Variants in SPINK8 observed in about 807,000 individuals in gnomAD.
The protein encoded by SPINK8 is serine peptidase inhibitor Kazal type 8 (putative).
Under a neutral mutation model 14.4 loss-of-function variants are expected in SPINK8, and 12 were observed. That is an observed-to-expected ratio of 0.83 (90% CI 0.53 to 1.35). SPINK8 has a LOEUF of 1.35. Ranked by LOEUF, SPINK8 falls within the 40% of genes most tolerant of loss-of-function variation. The probability of loss-of-function intolerance (pLI) is 0.00; values close to 1 mark genes in which losing one functional copy is unlikely to be tolerated. For missense variants in SPINK8, 103 were observed against 117.0 expected (o/e 0.88, Z 0.55); for synonymous variants, 32 against 37.6 (o/e 0.85, Z 0.55).
At chr3:48,327,433 G>A (rs1260950779) in intron 4 of SPINK8, among the ~76,000 whole-genome samples, 2 of 152,192 alleles carry the variant, frequency 1.3e-5, no homozygotes, top group Non-Finnish European at 2.9e-5. Context: ...CAAGGAAAGG[G>A]TGATTTGCAA....
Position 48,307,007 on chromosome 3 carries a change from CAAGAG to C in SPINK8, c.283-9_283-5del. The C allele has an allele frequency of 6.2e-7, 1 of 1,612,798 alleles. No homozygotes were observed. The highest frequency in any genetic ancestry group is 1.1e-5 in the South Asian group (1 of 90,762). On this transcript the variant is annotated splice_polypyrimidine_tract_variant and splice_region_variant and intron_variant, in intron 7 of 7. Coordinates refer to ENST00000434006, the MANE Select transcript of SPINK8 (RefSeq NM_001080525.3). ...TGTCGTACGTTCAAGAGTTTTCCTG[CAAGAG>C]AAGTATCTGCTTAGAGAAATCAAAT...
rs532399891 is a variant in SPINK8 at position 48,311,035 on chromosome 3, C to T, written c.240-1089G>A. On this transcript the variant is annotated intron_variant, in intron 6 of 7. Transcript: ENST00000434006. ...ACAACCACATATTAAAAGGATTATACACCATGACAAAATGGCCTTTATCCC... is the reference window on the plus strand; with the variant it reads ...ACAACCACATATTAAAAGGATTATATACCATGACAAAATGGCCTTTATCCC... 4.6e-5 allele frequency among the ~76,000 whole-genome samples: 7 copies of T among 151,898 alleles called. No homozygotes were observed. In the East Asian group the frequency reaches 1.2e-3, roughly 25 times the overall value.
intron 4 of SPINK8, among the ~76,000 whole-genome samples, chr3:48,323,176 G>A (rs745855276): frequency 9.9e-5 from 15 of 152,014 alleles, no homozygotes; most frequent in Middle Eastern, 3.4e-3. Context: ...ACAGAGTTTC[G>A]CTCTGTCACA....
intron 4 of SPINK8, 78 bp from the exon 5 acceptor site, chr3:48,321,152 C>A: frequency 7.0e-7 from 1 of 1,421,678 alleles, no homozygotes; most frequent in African/African-American, 1.4e-5. Context: ...TGAGGGGAAC[C>A]CTAGTTGGCA....
At chr3:48,308,782 T>A (rs1575339507) in intron 7 of SPINK8, among the ~76,000 whole-genome samples, 1 of 152,222 alleles carries the variant, frequency 6.6e-6, no homozygotes, top group African/African-American at 2.4e-5. Flanking sequence ...ATTCTATAGA[T>A]ATCCTTAAAT....
intron 6 of SPINK8, among the ~76,000 whole-genome samples, chr3:48,313,550 T>C (rs1431560828): frequency 6.6e-6 from 1 of 152,156 alleles, no homozygotes; most frequent in Non-Finnish European, 1.5e-5. Context: ...TATAGAAAAG[T>C]TTGATGGTTC....
At chr3:48,321,144 A>G in intron 4 of SPINK8, 70 bp from the exon 5 acceptor site, 1 of 1,481,654 alleles carries the variant, frequency 6.7e-7, no homozygotes, top group East Asian at 2.5e-5. Flanking sequence ...AGGTAAGATG[A>G]GGGGAACCCT....
At chr3:48,333,110 T>C (rs1478131953) in intron 1 of SPINK8, among the ~76,000 whole-genome samples, 2 of 152,132 alleles carry the variant, frequency 1.3e-5, no homozygotes, top group Non-Finnish European at 2.9e-5. Context: ...AATCACACTT[T>C]TAACATAATT....
In SPINK8 at chr3:48,319,555, T is replaced by C. The variant is rs1242371747; in HGVS notation, c.181A>G (p.Ile61Val). 1.2e-6 allele frequency: 2 copies of C among 1,613,946 alleles called. No individual in the cohort carries two copies. Among genetic ancestry groups the C allele is most frequent in the Admixed American group, 3.3e-5 (2 of 60,020 alleles). The change falls in exon 6 of 8, where the codon ATT becomes GTT. Residue 61 changes from isoleucine (I) to valine (V), a missense_variant. Coordinates refer to ENST00000434006, the MANE Select transcript of SPINK8 (RefSeq NM_001080525.3). ...FLSYIKPSEP[I>V]CGSDQVTYSS... is the part of the protein sequence containing the mutation. ...TAGGTAACCTGGTCACTGCCACAAA[T>C]AGGTTCACTGGGCTTGATGTAGGAT...
chr3:48,310,495 AATTT>A (rs755916422), intron 6 of SPINK8, among the ~76,000 whole-genome samples: 42 of 147,374 alleles, frequency 2.8e-4, no homozygotes, highest in South Asian at 4.3e-4. Flanking sequence ...CCAAAAAAAA[AATTT>A]TTTTTTTTTT....
At chr3:48,326,103 G>A (rs1175518138) in intron 4 of SPINK8, among the ~76,000 whole-genome samples, 2 of 151,894 alleles carry the variant, frequency 1.3e-5, no homozygotes, top group African/African-American at 4.8e-5. Flanking sequence ...ACAAAGGTAT[G>A]GGGGGAATGA....
intron 5 of SPINK8, 98 bp from the exon 6 acceptor site, chr3:48,319,716 A>G (rs2036045092): frequency 2.0e-6 from 3 of 1,510,256 alleles, no homozygotes; most frequent in African/African-American, 2.8e-5. Context: ...TACGAGCACC[A>G]GATCAGGAGT....
In SPINK8 at chr3:48,306,883, G is replaced by A; in HGVS notation, c.*109C>T. Reference sequence around the variant, plus strand: ...ATTTATTGAAGACATAAATCAACGAGTTTGATCCAACCATTAGTAATTAAA... The same window carrying A: ...ATTTATTGAAGACATAAATCAACGAATTTGATCCAACCATTAGTAATTAAA... On this transcript the variant is annotated 3_prime_UTR_variant, in exon 8 of 8. Coordinates refer to ENST00000434006, the MANE Select transcript of SPINK8 (RefSeq NM_001080525.3). The A allele has an allele frequency of 2.6e-6, 3 of 1,157,786 alleles. No individual in the cohort carries two copies. Among genetic ancestry groups the A allele is most frequent in the Non-Finnish European group, 3.7e-6 (3 of 804,168 alleles). The allele number at this position is 1,157,786 out of a possible 1,614,324, so 71.7% of individuals were successfully genotyped here.
At position 48,307,022 on chromosome 3, in the gene SPINK8, C is replaced by T; in HGVS notation, c.283-19G>A. 1 of 1,611,910 alleles carries T rather than the reference C, an allele frequency of 6.2e-7. No homozygotes were observed. Among genetic ancestry groups the T allele is most frequent in the Non-Finnish European group, 8.5e-7 (1 of 1,178,872 alleles). Reference sequence around the variant, plus strand: ...AGTTTTCCTGCAAGAGAAGTATCTGCTTAGAGAAATCAAATTTGAGGAAGT... The same window carrying T: ...AGTTTTCCTGCAAGAGAAGTATCTGTTTAGAGAAATCAAATTTGAGGAAGT... On this transcript the variant is annotated intron_variant, in intron 7 of 7. Coordinates refer to ENST00000434006, the MANE Select transcript of SPINK8 (RefSeq NM_001080525.3).
At chr3:48,324,732 A>C (rs1028467885) in intron 4 of SPINK8, among the ~76,000 whole-genome samples, 4 of 152,168 alleles carry the variant, frequency 2.6e-5, no homozygotes, top group Non-Finnish European at 4.4e-5. Context: ...CCTGGAGAAC[A>C]CTGCATGTGC....
At chr3:48,308,384 C>T (rs889646732) in intron 7 of SPINK8, among the ~76,000 whole-genome samples, 1 of 152,176 alleles carries the variant, frequency 6.6e-6, no homozygotes, top group Non-Finnish European at 1.5e-5. Context: ...GGTAGAGAGA[C>T]AGAATTGTGC....
chr3:48,306,870 C>T lies in SPINK8; in HGVS notation c.*122G>A. ...TCTGCTAAGAATCATTTATTGAAGA[C>T]ATAAATCAACGAGTTTGATCCAACC... On this transcript the variant is annotated 3_prime_UTR_variant, in exon 8 of 8. Transcript: ENST00000434006. 2 of 938,122 alleles carry T rather than the reference C, an allele frequency of 2.1e-6. No individual in the cohort carries two copies. Among genetic ancestry groups the T allele is most frequent in the Non-Finnish European group, 3.2e-6 (2 of 618,610 alleles). The allele number at this position is 938,122 out of a possible 1,614,324, so 58.1% of individuals were successfully genotyped here.
At chr3:48,318,768 G>A (rs1282277439) in intron 6 of SPINK8, among the ~76,000 whole-genome samples, 1 of 152,224 alleles carries the variant, frequency 6.6e-6, no homozygotes, top group Non-Finnish European at 1.5e-5. Flanking sequence ...AGGAAGGGGA[G>A]AGAGACTTAA....
intron 7 of SPINK8, among the ~76,000 whole-genome samples, chr3:48,307,548 C>A (rs1211254306): frequency 3.5e-5 from 5 of 143,682 alleles, no homozygotes; most frequent in African/African-American, 7.8e-5. Flanking sequence ...CCCACCCCCC[C>A]ACCTCTTCTG....
Sources: allele counts gnomAD v4.1 joint callset (sites outside exome capture counted in the v4.1 genomes callset), GRCh38; gene constraint gnomAD v4.1.1; transcripts MANE v1.5; gene names NCBI Gene and HGNC (gene_info 2026-07-23, HGNC 2026-07-21).